Variants in KLF8 observed in about 807,000 individuals in gnomAD.
KLF8 encodes Krueppel-like factor 8.
A neutral mutation model predicts 18.2 loss-of-function variants in KLF8; 10 were observed. The ratio of observed to expected loss-of-function variants is 0.55; its 90% CI spans 0.34 to 0.93. The LOEUF (loss-of-function observed/expected upper bound fraction) is 0.93. Ranked by LOEUF, KLF8 falls within the 40% of genes least tolerant of loss-of-function variation. The probability of loss-of-function intolerance (pLI) is 0.02; values close to 1 mark genes in which losing one functional copy is unlikely to be tolerated. For missense variants in KLF8, 264 were observed against 277.9 expected (o/e 0.95, Z 0.36); for synonymous variants, 109 against 97.3 (o/e 1.12, Z -0.71).
the KLF8 span, among the ~76,000 whole-genome samples, chrX:55,946,666 C>T: frequency 3.6e-5 from 4 of 111,509 alleles, no homozygotes; most frequent in South Asian, 3.7e-4. Flanking sequence ...AGCTTCTGCA[C>T]AGCAAAAGAA....
chrX:55,995,110 G>A, the KLF8 span, among the ~76,000 whole-genome samples: 5 of 112,090 alleles, frequency 4.5e-5, no homozygotes, highest in East Asian at 2.8e-4. Flanking sequence ...TATATATTTA[G>A]GATAGTTAGG....
At chrX:56,047,971 G>A in the KLF8 span, among the ~76,000 whole-genome samples, 1 of 111,945 alleles carries the variant, frequency 8.9e-6, no homozygotes, top group East Asian at 2.8e-4. Flanking sequence ...ACTGGTGTGA[G>A]ATGGTATCTC....
At chrX:56,209,890 T>TAAAC in the KLF8 span, among the ~76,000 whole-genome samples, 2 of 112,101 alleles carry the variant, frequency 1.8e-5, no homozygotes, top group African/African-American at 6.5e-5. Context: ...ACTGTTTCCA[T>TAAAC]AAACAAACAA....
the KLF8 span, among the ~76,000 whole-genome samples, chrX:56,138,527 A>G: frequency 8.9e-6 from 1 of 111,890 alleles, no homozygotes; most frequent in African/African-American, 3.2e-5. Flanking sequence ...ACAAATCAAT[A>G]TATGTGATTC....
the KLF8 span, among the ~76,000 whole-genome samples, chrX:56,097,031 G>C: frequency 9.0e-6 from 1 of 111,077 alleles, no homozygotes; most frequent in Non-Finnish European, 1.9e-5. Context: ...TATCTTTTGT[G>C]AACATAGATG....
the KLF8 span, among the ~76,000 whole-genome samples, chrX:56,054,578 G>T: frequency 1.8e-5 from 2 of 111,817 alleles, no homozygotes; most frequent in African/African-American, 6.5e-5. Context: ...TTTGAGTGGA[G>T]AGTTTTGTTG....
the KLF8 span, among the ~76,000 whole-genome samples, chrX:56,049,279 C>A: frequency 9.0e-6 from 1 of 111,380 alleles, no homozygotes; most frequent in African/African-American, 3.3e-5. Context: ...GCCTGATTAT[C>A]CTGGCCAGAA....
rs2066960970 is a variant in KLF8, at chrX:56,265,598, GTC to G, written c.502_503del (p.Leu168AlafsTer3). ...GTCATTCACACTATCCCCTCAGTCAGTCTGCCAAATAAGATGGGTGGCCTGAA... is the reference window on the plus strand; with the variant it reads ...GTCATTCACACTATCCCCTCAGTCAGTGCCAAATAAGATGGGTGGCCTGAA... On this transcript the variant is annotated frameshift_variant, in exon 3 of 6. Transcript: ENST00000468660. LOFTEE classifies it high-confidence loss of function. 8.3e-7 allele frequency: 1 copy of G among 1,211,839 alleles called. No individual in the cohort carries two copies. Among genetic ancestry groups the G allele is most frequent in the South Asian group, 1.8e-5 (1 of 56,985 alleles).
chrX:56,047,265 G>C, the KLF8 span, among the ~76,000 whole-genome samples: 2 of 107,766 alleles, frequency 1.9e-5, no homozygotes, highest in South Asian at 3.9e-4. Context: ...TATTTTTTTC[G>C]TTTTTTTATT....
At chrX:56,184,644 C>A in the KLF8 span, among the ~76,000 whole-genome samples, 2 of 111,618 alleles carry the variant, frequency 1.8e-5, no homozygotes, top group Admixed American at 9.5e-5. Context: ...CAGACTGACA[C>A]CTCACACGGC....
intron 1 of KLF8, among the ~76,000 whole-genome samples, chrX:56,240,959 C>A (rs760406235): frequency 1.4e-3 from 155 of 109,411 alleles, no homozygotes; most frequent in Non-Finnish European, 1.8e-3. Context: ...ATGTAACAAA[C>A]CTGCACGTCC....
At chrX:55,926,969 T>A in the KLF8 span, among the ~76,000 whole-genome samples, 1 of 111,250 alleles carries the variant, frequency 9.0e-6, no homozygotes, top group Non-Finnish European at 1.9e-5. Context: ...GAAGTGCCAG[T>A]GCAAAATTAT....
At chrX:56,105,926 C>T in the KLF8 span, among the ~76,000 whole-genome samples, 1 of 111,470 alleles carries the variant, frequency 9.0e-6, no homozygotes, top group African/African-American at 3.3e-5. Context: ...GTGACAAAAT[C>T]TCTCAGCATT....
the KLF8 span, among the ~76,000 whole-genome samples, chrX:56,080,725 A>G: frequency 9.0e-6 from 1 of 111,506 alleles, no homozygotes; most frequent in Non-Finnish European, 1.9e-5. Flanking sequence ...ATTCTCCTGG[A>G]TAATATCCTG....
chrX:56,023,361 C>A, the KLF8 span, among the ~76,000 whole-genome samples: 2 of 111,643 alleles, frequency 1.8e-5, no homozygotes, highest in Admixed American at 9.5e-5. Context: ...AACCAAAAGG[C>A]AGAGACAAAC....
chrX:56,135,910 G>A, the KLF8 span, among the ~76,000 whole-genome samples: 3 of 111,235 alleles, frequency 2.7e-5, no homozygotes, highest in Non-Finnish European at 5.7e-5. Flanking sequence ...CAAAATGTTA[G>A]AAAGATTTTA....
At chrX:56,253,469 G>A (rs943020079) in intron 2 of KLF8, among the ~76,000 whole-genome samples, 3 of 111,617 alleles carry the variant, frequency 2.7e-5, no homozygotes, top group East Asian at 2.8e-4. Flanking sequence ...AAGAGACCAC[G>A]CATTCCCCAA....
At chrX:55,965,650 C>G in the KLF8 span, among the ~76,000 whole-genome samples, 2 of 112,056 alleles carry the variant, frequency 1.8e-5, no homozygotes, top group East Asian at 5.6e-4. Context: ...AGTCTCTGCA[C>G]AAAGGCTGTT....
chrX:56,194,306 C>T, the KLF8 span, among the ~76,000 whole-genome samples: 5 of 111,665 alleles, frequency 4.5e-5, no homozygotes, highest in Non-Finnish European at 9.4e-5. Context: ...ATATCCCTTT[C>T]CTACCCAAAG....
Sources: allele counts gnomAD v4.1 joint callset (sites outside exome capture counted in the v4.1 genomes callset), GRCh38; gene constraint gnomAD v4.1.1; transcripts MANE v1.5; gene names NCBI Gene and HGNC (gene_info 2026-07-23, HGNC 2026-07-21).